Variants in LAS1L observed in about 807,000 individuals in gnomAD.
LAS1L encodes ribosomal biogenesis protein LAS1L.
LAS1L carries 5 observed loss-of-function variants against 57.3 expected under a neutral mutation model. The observed-to-expected ratio is 0.09, with a 90% CI of 0.05 to 0.18. The LOEUF (loss-of-function observed/expected upper bound fraction) is 0.18, where lower values mean the gene tolerates loss of function less well. Among genes scored for constraint, LAS1L ranks in the 10% least tolerant of loss-of-function variants. LAS1L has a pLI of 1.00. For synonymous variants in LAS1L, 245 were observed against 231.7 expected, an observed-to-expected ratio of 1.06 and a Z score of -0.52; for missense variants, 360 against 568.3, an observed-to-expected ratio of 0.63 and a Z score of 3.73.
At chrX:65,515,001 T>C (rs778029489) in intron 12 of LAS1L, 28 bp from the exon 13 acceptor site, 37 of 1,187,404 alleles carry the variant, frequency 3.1e-5, no homozygotes, top group Admixed American at 6.7e-5. Context: ...GTGGCAAGAC[T>C]GGGCTGATGA....
In LAS1L at chrX:65,532,599, T is replaced by C; in HGVS notation, c.394A>G (p.Lys132Glu). The change falls in exon 3 of 14, where the codon AAG becomes GAG. Residue 132 changes from lysine (K) to glutamate (E), a missense_variant. This residue lies in a region of LAS1L where 43 missense variants were observed against 78.0 expected (regional missense o/e 0.55). Coordinates refer to ENST00000374811, the MANE Select transcript of LAS1L (RefSeq NM_031206.7). ...FVNLISERKT[K>E]FAKVPLKCLA... ...CACTTGAGGGGGACCTTGGCAAACTTTGTCTTCCTCTCTGAGATAAGATTC... is the reference window on the plus strand; with the variant it reads ...CACTTGAGGGGGACCTTGGCAAACTCTGTCTTCCTCTCTGAGATAAGATTC... 2 of 1,208,613 alleles carry C rather than the reference T, an allele frequency of 1.7e-6. No homozygotes were observed. Among genetic ancestry groups the C allele is most frequent in the Non-Finnish European group, 2.2e-6 (2 of 892,360 alleles).
intron 4 of LAS1L, among the ~76,000 whole-genome samples, chrX:65,530,171 C>T (rs187695572): frequency 1.8e-5 from 2 of 113,012 alleles, no homozygotes; most frequent in East Asian, 5.6e-4. Flanking sequence ...GCCCCATTAG[C>T]TAGTTACATG....
intron 12 of LAS1L, among the ~76,000 whole-genome samples, chrX:65,517,116 C>A (rs1279892405): frequency 8.9e-6 from 1 of 111,931 alleles, no homozygotes; most frequent in African/African-American, 3.3e-5. Context: ...ACCCTCCCTG[C>A]AGCCTCTTCC....
At chrX:65,529,348 G>A in intron 5 of LAS1L, 90 bp from the exon 6 acceptor site, 1 of 833,930 alleles carries the variant, frequency 1.2e-6, no homozygotes, top group Non-Finnish European at 1.7e-6. Context: ...CATTTCTTGA[G>A]TTGTAATTGA....
At chrX:65,521,324 AACG>A in intron 11 of LAS1L, 3 of 744,263 alleles carry the variant, frequency 4.0e-6, no homozygotes, top group Non-Finnish European at 4.8e-6. Context: ...GGTTCAATTC[AACG>A]ACATTTACTG....
chrX:65,516,423 G>T (rs756611141), intron 12 of LAS1L, among the ~76,000 whole-genome samples: 1 of 110,516 alleles, frequency 9.0e-6, no homozygotes, highest in Non-Finnish European at 1.9e-5. Flanking sequence ...CCCCAGTGAC[G>T]GCGTGAACAT....
intron 13 of LAS1L, among the ~76,000 whole-genome samples, chrX:65,513,406 T>C (rs2068515237): frequency 8.9e-6 from 1 of 111,996 alleles, no homozygotes; most frequent in South Asian, 3.7e-4. Flanking sequence ...CTGGCCCTGC[T>C]CATAACACTC....
intron 12 of LAS1L, among the ~76,000 whole-genome samples, chrX:65,515,951 G>T (rs770990887): frequency 1.8e-5 from 2 of 111,726 alleles, no homozygotes; most frequent in Non-Finnish European, 3.8e-5. Flanking sequence ...CCTCTCTGTC[G>T]TATCACTGAG....
chrX:65,531,369 C>T lies in LAS1L; in HGVS notation c.502G>A (p.Asp168Asn), dbSNP rs1569443405. ...LTHKKMPHINDCRRGCYFVLD... is the reference protein window; with the variant it reads ...LTHKKMPHINNCRRGCYFVLD... ...TCTGAGGACTCACCTCTGCGGCAGT[C>T]ATTTATATGGGGCATTTTCTTGTGG... Residue 168 changes from aspartate (D) to asparagine (N), a missense_variant, in exon 4 of 14, where the codon GAC becomes AAC. By Grantham distance (23) the Asp-to-Asn change is conservative. Transcript: ENST00000374811. The T allele has an allele frequency of 8.3e-7, 1 of 1,205,555 alleles. No individual in the cohort carries two copies. The highest frequency in any genetic ancestry group is 1.1e-6 in the Non-Finnish European group (1 of 890,200).
intron 7 of LAS1L, among the ~76,000 whole-genome samples, chrX:65,526,674 A>G (rs1429166181): frequency 9.0e-6 from 1 of 111,163 alleles, no homozygotes; most frequent in Non-Finnish European, 1.9e-5. Context: ...AAGTCCCCCA[A>G]AGCCCTTCCA....
At chrX:65,529,528 C>T in intron 5 of LAS1L, 66 bp downstream of exon 5, 1 of 1,071,751 alleles carries the variant, frequency 9.3e-7, no homozygotes. Context: ...GGGAAATAAA[C>T]AGCGTTAACC....
In LAS1L at chrX:65,512,746, T is replaced by C; in HGVS notation, c.*29A>G. The C allele has an allele frequency of 8.6e-7, 1 of 1,157,769 alleles. No homozygotes were observed. Among genetic ancestry groups the C allele is most frequent in the Non-Finnish European group, 1.2e-6 (1 of 866,249 alleles). ...GGGTGGGCTGTTGCCCTGGCACGGC[T>C]GGATGAACACTTGCACCAGGGATGG... is the stretch of plus-strand genomic sequence containing the variant. On this transcript the variant is annotated 3_prime_UTR_variant, in exon 14 of 14. Coordinates refer to ENST00000374811, the MANE Select transcript of LAS1L (RefSeq NM_031206.7).
chrX:65,514,715 G>A (rs2068567978), intron 13 of LAS1L, 108 bp downstream of exon 13: 1 of 764,526 alleles, frequency 1.3e-6, no homozygotes, highest in Admixed American at 3.7e-5. Context: ...ACTCATTTAG[G>A]CCCTGACTGG....
At chrX:65,533,577 C>G (rs764395490) in intron 2 of LAS1L, 33 bp downstream of exon 2, 2 of 1,199,820 alleles carry the variant, frequency 1.7e-6, no homozygotes, top group Non-Finnish European at 2.2e-6. Context: ...GTCCCCAAAG[C>G]CAACCTCCAC....
intron 11 of LAS1L, chrX:65,518,994 C>A (rs2068746629): frequency 1.3e-6 from 1 of 749,615 alleles, no homozygotes; most frequent in Non-Finnish European, 1.6e-6. Flanking sequence ...ACAGCCCAGC[C>A]TGGAATGGAG....
chrX:65,528,310 T>G lies in LAS1L; in HGVS notation c.906A>C (p.Pro302=), dbSNP rs1321189497. The G allele has an allele frequency of 8.3e-7, 1 of 1,201,279 alleles. No individual in the cohort carries two copies. Reference sequence around the variant, plus strand: ...GCTCTGCCAGGACACATTCTACACGTGGGGACGGGTTATTCCACGCCTTAA... The same window carrying G: ...GCTCTGCCAGGACACATTCTACACGGGGGGACGGGTTATTCCACGCCTTAA... ...KAIKAWNNPS[P]RVECVLAELK... is the part of the protein sequence containing the mutation. The change falls in exon 7 of 14, where the codon CCA becomes CCC. Residue 302 remains proline (P), a synonymous_variant. Coordinates refer to ENST00000374811, the MANE Select transcript of LAS1L (RefSeq NM_031206.7).
chrX:65,525,516 G>A (rs915111927), intron 7 of LAS1L, among the ~76,000 whole-genome samples: 1 of 110,197 alleles, frequency 9.1e-6, no homozygotes, highest in Non-Finnish European at 1.9e-5. Flanking sequence ...GATCCTAGAA[G>A]TAGAAACCTT....
At chrX:65,517,135 G>T (rs1338301870) in intron 12 of LAS1L, among the ~76,000 whole-genome samples, 2 of 111,598 alleles carry the variant, frequency 1.8e-5, no homozygotes, top group African/African-American at 6.5e-5. Flanking sequence ...CCTAGCTTTG[G>T]CCTCACTAAT....
chrX:65,531,294 T>G, intron 4 of LAS1L, 63 bp downstream of exon 4: 1 of 867,731 alleles, frequency 1.2e-6, no homozygotes, highest in Non-Finnish European at 1.7e-6. Context: ...CCCTCTACCC[T>G]CAGCGCCACC....
Sources: gnomAD v4.1 joint callset for allele counts (sites outside exome capture counted in the v4.1 genomes callset) on GRCh38, gnomAD v4.1.1 for gene constraint, gnomAD v4.1.1 regional missense constraint, MANE v1.5 for transcripts, NCBI Gene and HGNC (gene_info 2026-07-23, HGNC 2026-07-21) for gene names.